The following CCDC141 variants were observed in gnomAD, a reference collection of about 807,000 sequenced individuals.
CCDC141 encodes the protein coiled-coil domain containing 141.
Under a neutral mutation model 181.0 loss-of-function variants are expected in CCDC141, and 168 were observed. The observed-to-expected ratio is 0.93, with a 90% CI of 0.82 to 1.05. The LOEUF is 1.05. Ranked by LOEUF, CCDC141 falls within the 50% of genes least tolerant of loss-of-function variation. The probability of loss-of-function intolerance (pLI) is 0.00; values close to 1 mark genes in which losing one functional copy is unlikely to be tolerated. For synonymous variants in CCDC141, 666 were observed against 642.3 expected (o/e 1.04, Z -0.56); for missense variants, 1,902 against 1,788.5 (o/e 1.06, Z -1.14).
At chr2:179,010,125 A>G (rs904951318) in intron 2 of CCDC141, among the ~76,000 whole-genome samples, 1 of 152,048 alleles carries the variant, frequency 6.6e-6, no homozygotes, top group African/African-American at 2.4e-5. Flanking sequence ...GAAAATATGA[A>G]CAAAGCCTCC....
chr2:178,894,326 G>GA (rs66555318), intron 8 of CCDC141, among the ~76,000 whole-genome samples: 7,264 of 152,054 alleles, frequency 0.048, 461 homozygotes, highest in South Asian at 0.21. Flanking sequence ...GCAAGCAAAA[G>GA]AAAGTCAAAG....
chr2:179,033,928 G>A (rs974487280), intron 2 of CCDC141, among the ~76,000 whole-genome samples: 10 of 151,970 alleles, frequency 6.6e-5, no homozygotes, highest in Admixed American at 2.0e-4. Context: ...AAGAAGCCTG[G>A]GGCTCAGCAT....
intron 4 of CCDC141, among the ~76,000 whole-genome samples, chr2:178,974,430 C>T (rs992335241): frequency 3.3e-5 from 5 of 152,166 alleles, no homozygotes; most frequent in Non-Finnish European, 7.4e-5. Flanking sequence ...TCCACAAATG[C>T]GTTTCCCTAC....
chr2:178,905,242 A>T lies in CCDC141; in HGVS notation c.1265+87T>A, dbSNP rs138484802. Reference sequence around the variant, plus strand: ...AATGCAGCAAAACATCAGAACCAGAAAAAGACAATCATGCATCTTATTTTT... The same window carrying T: ...AATGCAGCAAAACATCAGAACCAGATAAAGACAATCATGCATCTTATTTTT... On this transcript the variant is annotated intron_variant, in intron 8 of 23. Transcript: ENST00000443758. 45 of 1,245,682 alleles carry T rather than the reference A, an allele frequency of 3.6e-5. 2 individuals carry two copies. The African/African-American group carries it at 4.1e-4, about 11-fold the overall frequency. 77.2% of individuals were successfully genotyped at this position (1,245,682 alleles called of 1,614,324 possible). A position where few individuals can be genotyped will look rare whatever the true frequency, so the allele number is the denominator to read the frequency against.
intron 22 of CCDC141, among the ~76,000 whole-genome samples, chr2:178,839,036 T>C (rs963727600): frequency 6.6e-6 from 1 of 152,240 alleles, no homozygotes; most frequent in African/African-American, 2.4e-5. Flanking sequence ...CTGATGCATA[T>C]AGGAAAGTCA....
At chr2:178,931,700 T>C (rs1308385280) in intron 6 of CCDC141, among the ~76,000 whole-genome samples, 11 of 151,712 alleles carry the variant, frequency 7.3e-5, no homozygotes, top group Middle Eastern at 6.9e-3. Context: ...GAGTGTGGTG[T>C]TTCTTTTTGG....
At chr2:178,892,615 C>A (rs569606047) in intron 8 of CCDC141, among the ~76,000 whole-genome samples, 22 of 152,272 alleles carry the variant, frequency 1.4e-4, no homozygotes, top group African/African-American at 4.3e-4. Flanking sequence ...TTTGAAAGTT[C>A]TGAAACATTT....
intron 2 of CCDC141, among the ~76,000 whole-genome samples, chr2:179,033,627 T>C (rs1170291420): frequency 6.6e-6 from 1 of 152,202 alleles, no homozygotes; most frequent in Non-Finnish European, 1.5e-5. Context: ...TTTTCATTTA[T>C]ATTGAACTGT....
intron 2 of CCDC141, among the ~76,000 whole-genome samples, chr2:178,981,636 G>GTATATATATATATATAT (rs1553495305): frequency 1.6e-5 from 1 of 62,404 alleles, no homozygotes; most frequent in Non-Finnish European, 3.2e-5. Context: ...GTGTGTGTGT[G>GTATATATATATATATAT]TATATATATA....
intron 8 of CCDC141, among the ~76,000 whole-genome samples, chr2:178,889,284 C>T (rs1230911846): frequency 2.0e-5 from 3 of 151,948 alleles, no homozygotes; most frequent in South Asian, 2.1e-4. Context: ...AGAAAAGTGA[C>T]GTGAGAGCTC....
rs1685259382 is a variant in CCDC141, at chr2:178,853,588, C to A, written c.3097G>T (p.Val1033Leu). 1 of 1,613,594 alleles carries A rather than the reference C, an allele frequency of 6.2e-7. No homozygotes were observed. Among genetic ancestry groups the A allele is most frequent in the Non-Finnish European group, 8.5e-7 (1 of 1,179,802 alleles). Residue 1033 changes from valine to leucine, a missense_variant, in exon 20 of 24, where the codon GTA becomes TTA. By Grantham distance (32) the Val-to-Leu change is conservative. Coordinates refer to ENST00000443758, the MANE Select transcript of CCDC141 (RefSeq NM_173648.4). ...TCTGTGGAATATTTTCCAACTCTTACAACTGTGGCACTTGCATCTTCGTAC... is the reference window on the plus strand; with the variant it reads ...TCTGTGGAATATTTTCCAACTCTTAAAACTGTGGCACTTGCATCTTCGTAC... ...FWYEDASATV[V>L]RVGKYSTECK...
intron 6 of CCDC141, among the ~76,000 whole-genome samples, chr2:178,943,295 A>C (rs901763403): frequency 6.6e-6 from 1 of 152,216 alleles, no homozygotes; most frequent in Non-Finnish European, 1.5e-5. Context: ...GAAATTAAAA[A>C]ATAATCAGTC....
chr2:178,821,500 G>A, the CCDC141 span, among the ~76,000 whole-genome samples: 1 of 152,094 alleles, frequency 6.6e-6, no homozygotes, highest in Non-Finnish European at 1.5e-5. Flanking sequence ...ATACCCCTTA[G>A]AGATCAGTGA....
At chr2:178,859,849 GA>G (rs1383840854) in intron 17 of CCDC141, among the ~76,000 whole-genome samples, 2 of 152,210 alleles carry the variant, frequency 1.3e-5, no homozygotes, top group African/African-American at 4.8e-5. Context: ...GAAAGAAGCA[GA>G]AGGGAAAGAG....
chr2:179,025,568 C>T (rs1575362405), intron 2 of CCDC141, among the ~76,000 whole-genome samples: 1 of 152,204 alleles, frequency 6.6e-6, no homozygotes, highest in African/African-American at 2.4e-5. Context: ...TTAAGCCTCT[C>T]TCTTTTGTAA....
chr2:178,885,591 C>T (rs1686844765), intron 10 of CCDC141, among the ~76,000 whole-genome samples: 1 of 152,138 alleles, frequency 6.6e-6, no homozygotes, highest in African/African-American at 2.4e-5. Flanking sequence ...GAAAATATTA[C>T]ATATCAGGCC....
At chr2:178,815,764 T>C in the CCDC141 span, among the ~76,000 whole-genome samples, 6 of 152,232 alleles carry the variant, frequency 3.9e-5, no homozygotes, top group African/African-American at 1.2e-4. Flanking sequence ...TAAATAGTTA[T>C]GTTGTATTTT....
intron 17 of CCDC141, among the ~76,000 whole-genome samples, chr2:178,860,601 C>A (rs1270395112): frequency 8.0e-6 from 1 of 125,348 alleles, no homozygotes; most frequent in African/African-American, 3.1e-5. Flanking sequence ...CCATCTTGCC[C>A]AGGCTGGACT....
intron 2 of CCDC141, among the ~76,000 whole-genome samples, chr2:179,009,176 T>C (rs1369666481): frequency 6.6e-6 from 1 of 152,186 alleles, no homozygotes; most frequent in Non-Finnish European, 1.5e-5. Context: ...AGGAAGACTT[T>C]CTTGATTTCC....
Sources: gnomAD v4.1 joint callset for allele counts (sites outside exome capture counted in the v4.1 genomes callset) on GRCh38, gnomAD v4.1.1 for gene constraint, MANE v1.5 for transcripts, NCBI Gene and HGNC (gene_info 2026-07-23, HGNC 2026-07-21) for gene names.